ATRNL1: variants seen among roughly 807,000 people sequenced by gnomAD.
The protein encoded by ATRNL1 is attractin like 1.
Under a neutral mutation model 182.7 loss-of-function variants are expected in ATRNL1, and 95 were observed. That is an observed-to-expected ratio of 0.52 (90% CI 0.44 to 0.62). ATRNL1 has a LOEUF of 0.62. ATRNL1 is among the 20% of genes least tolerant of loss of function. The pLI is 0.00. For missense variants in ATRNL1, 1,471 were observed against 1,679.5 expected (o/e 0.88, Z 2.17); for synonymous variants, 576 against 568.3 (o/e 1.01, Z -0.19).
chr10:115,514,020 C>A (rs1192354874), intron 24 of ATRNL1, among the ~76,000 whole-genome samples: 4 of 151,846 alleles, frequency 2.6e-5, no homozygotes, highest in African/African-American at 9.7e-5. Flanking sequence ...TCAGATGGTA[C>A]TTTTTATAGA....
rs115507326 is a variant in ATRNL1 at position 115,902,458 on chromosome 10, T to C, written c.4019-42200T>C. Among the ~76,000 whole-genome samples, 931 of 152,254 alleles carry C rather than the reference T, an allele frequency of 6.1e-3. 9 individuals are homozygous for C. Among genetic ancestry groups the C allele is most frequent in the African/African-American group, 0.022 (894 of 41,552 alleles). ...ATTCATTTATTTTTTATAGGACTAA[T>C]TAAAAAGACAAAGGGATCTATTCTC... On this transcript the variant is annotated intron_variant, in intron 28 of 28. Coordinates refer to ENST00000355044, the MANE Select transcript of ATRNL1 (RefSeq NM_207303.4).
At chr10:115,141,000 G>A (rs183702635) in intron 5 of ATRNL1, among the ~76,000 whole-genome samples, 1 of 151,972 alleles carries the variant, frequency 6.6e-6, no homozygotes, top group Non-Finnish European at 1.5e-5. Flanking sequence ...CCTGTAATAT[G>A]CTGTCATAAG....
intron 24 of ATRNL1, among the ~76,000 whole-genome samples, chr10:115,489,036 T>G (rs1554975841): frequency 1.3e-5 from 2 of 152,188 alleles, no homozygotes; most frequent in Non-Finnish European, 2.9e-5. Flanking sequence ...TGTGTGGTTT[T>G]GAGTGAGTTT....
chr10:115,598,403 G>A (rs12259094), intron 26 of ATRNL1, among the ~76,000 whole-genome samples: 1,618 of 135,228 alleles, frequency 0.012, 28 homozygotes, highest in African/African-American at 0.045. Context: ...TCGTTCTGTC[G>A]CCCTGGCTGG....
At chr10:115,907,241 A>G (rs1952531367) in intron 28 of ATRNL1, among the ~76,000 whole-genome samples, 1 of 152,202 alleles carries the variant, frequency 6.6e-6, no homozygotes, top group African/African-American at 2.4e-5. Flanking sequence ...ATCATCATCA[A>G]AAAGGAAGCT....
intron 21 of ATRNL1, among the ~76,000 whole-genome samples, chr10:115,449,484 C>G (rs189652791): frequency 1.3e-5 from 2 of 152,334 alleles, no homozygotes; most frequent in Admixed American, 1.3e-4. Flanking sequence ...GGATGCTGAA[C>G]AAGAGCTCAG....
At chr10:115,255,749 A>T (rs1468013006) in intron 10 of ATRNL1, among the ~76,000 whole-genome samples, 1 of 152,200 alleles carries the variant, frequency 6.6e-6, no homozygotes, top group Non-Finnish European at 1.5e-5. Context: ...GGTTTTGCCC[A>T]TTCAGTATGA....
intron 26 of ATRNL1, among the ~76,000 whole-genome samples, chr10:115,611,990 C>A (rs782722623): frequency 4.6e-5 from 7 of 152,128 alleles, no homozygotes; most frequent in Non-Finnish European, 5.9e-5. Flanking sequence ...GTGGCTCACA[C>A]CTATAATTCC....
intron 9 of ATRNL1, among the ~76,000 whole-genome samples, chr10:115,222,287 G>T (rs1162246390): frequency 6.6e-6 from 1 of 151,970 alleles, no homozygotes; most frequent in Non-Finnish European, 1.5e-5. Context: ...ACAAAATGAT[G>T]ACCAAAAAAG....
At chr10:115,343,633 G>T (rs1855847253) in intron 19 of ATRNL1, among the ~76,000 whole-genome samples, 1 of 152,046 alleles carries the variant, frequency 6.6e-6, no homozygotes, top group Non-Finnish European at 1.5e-5. Context: ...GTCCCTGGTG[G>T]CTTATCTATT....
At chr10:115,248,024 T>C (rs1033600154) in intron 10 of ATRNL1, among the ~76,000 whole-genome samples, 4 of 151,556 alleles carry the variant, frequency 2.6e-5, no homozygotes, top group Non-Finnish European at 4.4e-5. Flanking sequence ...CTGAGGAGGG[T>C]GGGGGAAGTG....
chr10:115,828,292 G>A (rs1196835284), intron 27 of ATRNL1, among the ~76,000 whole-genome samples: 2 of 151,608 alleles, frequency 1.3e-5, no homozygotes, highest in African/African-American at 4.9e-5. Context: ...ACTCCAGCCT[G>A]GGCAACAAGA....
chr10:115,872,554 A>G (rs781891400), intron 28 of ATRNL1, among the ~76,000 whole-genome samples: 3 of 152,240 alleles, frequency 2.0e-5, no homozygotes, highest in Admixed American at 6.5e-5. Context: ...AAGTAAACTG[A>G]TAAGACACAA....
intron 12 of ATRNL1, among the ~76,000 whole-genome samples, chr10:115,267,632 T>G (rs530413900): frequency 1.5e-4 from 22 of 148,754 alleles, no homozygotes; most frequent in Non-Finnish European, 2.9e-4. Context: ...TAATCTATAT[T>G]AATTCAGATG....
At chr10:115,659,814 T>G (rs1860564283) in intron 26 of ATRNL1, among the ~76,000 whole-genome samples, 1 of 152,022 alleles carries the variant, frequency 6.6e-6, no homozygotes, top group African/African-American at 2.4e-5. Context: ...ATGTTCCAGC[T>G]CAAGAAAAAC....
intron 19 of ATRNL1, among the ~76,000 whole-genome samples, chr10:115,385,870 A>G (rs1240095247): frequency 5.3e-5 from 8 of 152,168 alleles, no homozygotes; most frequent in Non-Finnish European, 1.0e-4. Flanking sequence ...AAATTGATGG[A>G]ATATGTGTAG....
intron 27 of ATRNL1, among the ~76,000 whole-genome samples, chr10:115,748,019 G>T (rs1948342401): frequency 6.6e-6 from 1 of 152,020 alleles, no homozygotes; most frequent in East Asian, 1.9e-4. Flanking sequence ...TTGTAGATTA[G>T]ATTTCATATG....
intron 13 of ATRNL1, 111 bp from the exon 14 acceptor site, chr10:115,281,244 G>A: frequency 1.2e-6 from 1 of 815,728 alleles, no homozygotes; most frequent in Non-Finnish European, 1.8e-6. Context: ...AATTGTATTT[G>A]GAGTTAGAAA....
At chr10:115,192,528 G>A (rs981444986) in intron 8 of ATRNL1, among the ~76,000 whole-genome samples, 3 of 152,048 alleles carry the variant, frequency 2.0e-5, no homozygotes, top group Non-Finnish European at 2.9e-5. Context: ...GTCTGGTAAT[G>A]TGATGCCTCC....
Sources: allele counts gnomAD v4.1 joint callset (sites outside exome capture counted in the v4.1 genomes callset), GRCh38; gene constraint gnomAD v4.1.1; transcripts MANE v1.5; gene names NCBI Gene and HGNC (gene_info 2026-07-23, HGNC 2026-07-21).